IFT140: variants seen among roughly 807,000 people sequenced by gnomAD.
IFT140 encodes the protein intraflagellar transport 140, also known as intraflagellar transport protein 140 homolog.
Under a neutral mutation model 164.6 loss-of-function variants are expected in IFT140, and 133 were observed. The ratio of observed to expected loss-of-function variants is 0.81; its 90% CI spans 0.70 to 0.93. IFT140 has a LOEUF of 0.93. Among genes scored for constraint, IFT140 ranks in the 40% least tolerant of loss-of-function variants. The pLI, the probability that IFT140 is intolerant of heterozygous loss-of-function variation, is 0.00. For missense variants in IFT140, 2,045 were observed against 1,972.3 expected (o/e 1.04, Z -0.70); for synonymous variants, 860 against 817.3 (o/e 1.05, Z -0.89).
rs760740576 is a variant in IFT140 at position 1,520,124 on chromosome 16, C to T, written c.3873+7G>A. On this transcript the variant is annotated splice_region_variant and intron_variant, in intron 28 of 30. Coordinates refer to ENST00000426508, the MANE Select transcript of IFT140 (RefSeq NM_014714.4). ...GGCCCCGCTGGCATGCCAGGGAGGG[C>T]CTGCACCTGGGCACAAGCGTCATAA... The T allele has an allele frequency of 8.1e-6, 13 of 1,613,508 alleles. 1 individual carries two copies. The South Asian group carries it at 1.3e-4, about 16-fold the overall frequency.
intron 30 of IFT140, among the ~76,000 whole-genome samples, chr16:1,513,847 G>T (rs1435022441): frequency 2.1e-5 from 3 of 145,904 alleles, no homozygotes; most frequent in African/African-American, 7.8e-5. Flanking sequence ...CTAATTTTTT[G>T]TATTTTTAGT....
At chr16:1,582,953 A>T (rs2034653717) in intron 12 of IFT140, among the ~76,000 whole-genome samples, 1 of 152,216 alleles carries the variant, frequency 6.6e-6, no homozygotes, top group Non-Finnish European at 1.5e-5. Context: ...AGATTAACGG[A>T]GCATGTCTGA....
intron 22 of IFT140, 23 bp downstream of exon 22, chr16:1,525,208 C>A: frequency 6.4e-7 from 1 of 1,568,264 alleles, no homozygotes; most frequent in Non-Finnish European, 8.8e-7. Context: ...TGCGGTCCCA[C>A]CAGCCCTGGT....
At chr16:1,586,517 C>G (rs973511424) in intron 9 of IFT140, among the ~76,000 whole-genome samples, 1 of 152,184 alleles carries the variant, frequency 6.6e-6, no homozygotes, top group African/African-American at 2.4e-5. Context: ...TGGCCTGGCT[C>G]GGGGCTGCCC....
In IFT140 at chr16:1,530,049, C is replaced by T. The variant is rs567412638; in HGVS notation, c.2400-3253G>A. Reference sequence around the variant, plus strand: ...AGCACTGGGGCCTCAGTGCGTGAGGCGTGATGGCCGCTTCGTAAACACCAC... The same window carrying T: ...AGCACTGGGGCCTCAGTGCGTGAGGTGTGATGGCCGCTTCGTAAACACCAC... On this transcript the variant is annotated intron_variant, in intron 19 of 30. Coordinates refer to ENST00000426508, the MANE Select transcript of IFT140 (RefSeq NM_014714.4). Among the ~76,000 whole-genome samples the T allele has an allele frequency of 2.6e-4, 39 of 150,564 alleles. 1 individual carries two copies. Among genetic ancestry groups the T allele is most frequent in the Admixed American group, 5.3e-4 (8 of 15,082 alleles).
At chr16:1,534,441 C>G (rs199572244) in intron 19 of IFT140, 4 of 1,611,546 alleles carry the variant, frequency 2.5e-6, no homozygotes, top group Non-Finnish European at 3.4e-6. Flanking sequence ...GGACAGGACC[C>G]GGGGAGGGCC....
chr16:1,582,315 C>T (rs1336717743), intron 12 of IFT140, among the ~76,000 whole-genome samples: 1 of 152,106 alleles, frequency 6.6e-6, no homozygotes, highest in Admixed American at 6.5e-5. Flanking sequence ...GATTTCAGAC[C>T]AGGGGCAATG....
intron 12 of IFT140, among the ~76,000 whole-genome samples, 171 bp from the exon 13 acceptor site, chr16:1,581,021 G>A (rs2034531489): frequency 6.6e-6 from 1 of 152,204 alleles, no homozygotes; most frequent in Non-Finnish European, 1.5e-5. Context: ...TGAGGCACAG[G>A]GAACTGTCGT....
Position 1,566,152 on chromosome 16 carries a change from C to G in IFT140, c.1901+9G>C. 2 of 1,611,582 alleles carry G rather than the reference C, an allele frequency of 1.2e-6. No individual in the cohort carries two copies. Among genetic ancestry groups the G allele is most frequent in the Non-Finnish European group, 1.7e-6 (2 of 1,178,652 alleles). On this transcript the variant is annotated intron_variant, in intron 16 of 30. Transcript: ENST00000426508. Reference sequence around the variant, plus strand: ...TTTCCAACAAAATCCTCCTGAACCACAATCTTACTTATTAGTCTCTTGCTC... The same window carrying G: ...TTTCCAACAAAATCCTCCTGAACCAGAATCTTACTTATTAGTCTCTTGCTC...
intron 19 of IFT140, chr16:1,541,238 TGAA>T: frequency 2.0e-6 from 2 of 984,902 alleles, no homozygotes; most frequent in Non-Finnish European, 2.4e-6. Flanking sequence ...AGCCACTGAG[TGAA>T]AGATTTGTGG....
At chr16:1,587,149 A>C in intron 9 of IFT140, 49 bp downstream of exon 9, 1 of 1,187,288 alleles carries the variant, frequency 8.4e-7, no homozygotes. Flanking sequence ...CCGGCGCACA[A>C]TGCTTGTGGT....
chr16:1,543,671 G>A (rs1461969879), intron 19 of IFT140, among the ~76,000 whole-genome samples: 1 of 152,232 alleles, frequency 6.6e-6, no homozygotes, highest in Admixed American at 6.5e-5. Flanking sequence ...ACAGGGATGT[G>A]GGACCTAGGA....
chr16:1,607,356 C>G (rs1027891022), intron 2 of IFT140, 59 bp from the exon 3 acceptor site: 2 of 1,383,594 alleles, frequency 1.4e-6, no homozygotes, highest in Admixed American at 4.4e-5. Context: ...AACAATATGA[C>G]TGTACATGGA....
chr16:1,534,163 G>C (rs2030806606), intron 19 of IFT140: 1 of 1,398,564 alleles, frequency 7.2e-7, no homozygotes, highest in South Asian at 1.3e-5. Context: ...GCCGCCCCGA[G>C]GATGAGTGGT....
intron 4 of IFT140, among the ~76,000 whole-genome samples, 192 bp from the exon 5 acceptor site, chr16:1,592,780 G>T (rs997787445): frequency 4.6e-5 from 7 of 150,920 alleles, no homozygotes; most frequent in Non-Finnish European, 8.8e-5. Context: ...TGGAGGGACA[G>T]GTGAACACCA....
rs896650337 is a variant in IFT140 at position 1,592,098 on chromosome 16, C to A, written c.634+78G>T. 12 of 1,497,072 alleles carry A rather than the reference C, an allele frequency of 8.0e-6. No individual in the cohort carries two copies. The Admixed American group carries it at 2.0e-4, about 24-fold the overall frequency. The allele number at this position is 1,497,072 out of a possible 1,614,324, so 92.7% of individuals were successfully genotyped here. A position where few individuals can be genotyped will look rare whatever the true frequency, so the allele number is the denominator to read the frequency against. On this transcript the variant is annotated intron_variant, in intron 6 of 30. Coordinates refer to ENST00000426508, the MANE Select transcript of IFT140 (RefSeq NM_014714.4). ...ACCGTTACTGTTCTATGCAGAAACG[C>A]CATCTGTGAGTTTAAAATCCCTACC... is the stretch of plus-strand genomic sequence containing the variant.
chr16:1,545,419 T>A (rs1166035206), intron 19 of IFT140, among the ~76,000 whole-genome samples: 1 of 152,150 alleles, frequency 6.6e-6, no homozygotes, highest in African/African-American at 2.4e-5. Flanking sequence ...AAAAAGGAAA[T>A]GCATTTTGGC....
At chr16:1,542,919 T>A (rs953733160) in intron 19 of IFT140, among the ~76,000 whole-genome samples, 1 of 151,778 alleles carries the variant, frequency 6.6e-6, no homozygotes, top group Non-Finnish European at 1.5e-5. Flanking sequence ...AGTGATGGAG[T>A]TGTCGTCAAC....
At chr16:1,557,674 T>C (rs1245251529) in intron 19 of IFT140, 7 of 496,820 alleles carry the variant, frequency 1.4e-5, no homozygotes, top group Non-Finnish European at 2.5e-5. Flanking sequence ...GTATTATAGA[T>C]GTTTAGGAAC....
Sources: gnomAD v4.1 joint callset for allele counts (sites outside exome capture counted in the v4.1 genomes callset) on GRCh38, gnomAD v4.1.1 for gene constraint, MANE v1.5 for transcripts, NCBI Gene and HGNC (gene_info 2026-07-23, HGNC 2026-07-21) for gene names.